Variants in SOX5 observed in about 807,000 individuals in gnomAD.
SOX5 encodes SRY-box transcription factor 5.
Under a neutral mutation model 92.0 loss-of-function variants are expected in SOX5, and 9 were observed. The observed-to-expected ratio is 0.10, with a 90% CI of 0.06 to 0.17. The LOEUF (loss-of-function observed/expected upper bound fraction) is 0.17. SOX5 is among the 10% of genes least tolerant of loss of function. The probability of loss-of-function intolerance (pLI) is 1.00; values close to 1 mark genes in which losing one functional copy is unlikely to be tolerated. For missense variants in SOX5, 642 were observed against 944.5 expected, an observed-to-expected ratio of 0.68 and a Z score of 4.20; for synonymous variants, 344 against 336.3, an observed-to-expected ratio of 1.02 and a Z score of -0.25.
At chr12:23,993,186 A>T (rs1027878383) in intron 4 of SOX5, among the ~76,000 whole-genome samples, 12 of 152,182 alleles carry the variant, frequency 7.9e-5, no homozygotes, top group African/African-American at 2.4e-4. Flanking sequence ...AGAATAATAA[A>T]CATATGAGAT....
intron 6 of SOX5, among the ~76,000 whole-genome samples, chr12:23,677,340 A>G (rs2085871889): frequency 6.6e-6 from 1 of 152,204 alleles, no homozygotes; most frequent in Non-Finnish European, 1.5e-5. Context: ...TTTAAGATAA[A>G]AAACAAACGT....
At chr12:23,885,809 G>A (rs879296198) in intron 2 of SOX5, among the ~76,000 whole-genome samples, 2 of 150,648 alleles carry the variant, frequency 1.3e-5, no homozygotes, top group Non-Finnish European at 2.9e-5. Context: ...ACCAAAGAAT[G>A]TTCCCTCATT....
At chr12:24,442,470 G>A (rs1418337601) in intron 1 of SOX5, among the ~76,000 whole-genome samples, 2 of 152,176 alleles carry the variant, frequency 1.3e-5, no homozygotes, top group East Asian at 1.9e-4. Context: ...AAACCAAAGA[G>A]AAAAATAAAG....
At chr12:23,654,965 G>A (rs1225928861) in intron 7 of SOX5, among the ~76,000 whole-genome samples, 1 of 151,932 alleles carries the variant, frequency 6.6e-6, no homozygotes, top group African/African-American at 2.4e-5. Context: ...TTCAATAAGA[G>A]ATTTTTTAAA....
At chr12:23,799,655 A>G (rs1293829519) in intron 3 of SOX5, among the ~76,000 whole-genome samples, 2 of 152,096 alleles carry the variant, frequency 1.3e-5, no homozygotes, top group East Asian at 1.9e-4. Flanking sequence ...TTATTTCACA[A>G]TAAGTTTGGT....
At chr12:24,499,506 A>G (rs990506272) in intron 1 of SOX5, among the ~76,000 whole-genome samples, 8 of 152,246 alleles carry the variant, frequency 5.3e-5, no homozygotes, top group African/African-American at 1.9e-4. Context: ...GAAGGATGGA[A>G]TAATTCAGTC....
chr12:24,264,341 T>G (rs1942703969), intron 3 of SOX5, among the ~76,000 whole-genome samples: 1 of 152,168 alleles, frequency 6.6e-6, no homozygotes, highest in Non-Finnish European at 1.5e-5. Flanking sequence ...TTTAAAAAAT[T>G]TTTTCTTGCT....
chr12:24,534,238 T>G (rs1337527626), intron 1 of SOX5, among the ~76,000 whole-genome samples: 2 of 151,950 alleles, frequency 1.3e-5, no homozygotes, highest in African/African-American at 4.8e-5. Flanking sequence ...AGTTGAGGGT[T>G]TCATGTTATT....
intron 4 of SOX5, among the ~76,000 whole-genome samples, chr12:24,004,462 C>G (rs1028794559): frequency 3.3e-5 from 5 of 152,060 alleles, no homozygotes; most frequent in Admixed American, 3.3e-4. Flanking sequence ...GAGATATGAA[C>G]AGACATTTCA....
At chr12:23,747,272 CT>C (rs2094018289) in intron 4 of SOX5, among the ~76,000 whole-genome samples, 3 of 152,248 alleles carry the variant, frequency 2.0e-5, no homozygotes, top group Admixed American at 1.3e-4. Flanking sequence ...CCACTATCAT[CT>C]CTTGCCTTTA....
At chr12:23,718,580 G>T (rs1292515892) in intron 6 of SOX5, among the ~76,000 whole-genome samples, 1 of 152,130 alleles carries the variant, frequency 6.6e-6, no homozygotes, top group Non-Finnish European at 1.5e-5. Context: ...CTCTAAAAAT[G>T]CAGATGATTT....
intron 4 of SOX5, among the ~76,000 whole-genome samples, chr12:24,141,605 G>A (rs994789790): frequency 2.6e-5 from 4 of 152,252 alleles, no homozygotes; most frequent in South Asian, 2.1e-4. Flanking sequence ...AGTTCAAGAC[G>A]GACACTCACT....
chr12:24,435,338 C>T (rs1939201427), intron 1 of SOX5, among the ~76,000 whole-genome samples: 1 of 152,224 alleles, frequency 6.6e-6, no homozygotes, highest in Admixed American at 6.5e-5. Flanking sequence ...TCACTCTCTA[C>T]ACTTCTGCAC....
rs1372658957 is a variant in SOX5, at chr12:24,010,874, C to T, written c.-1-114850G>A. Among the ~76,000 whole-genome samples, 8 of 151,388 alleles carry T rather than the reference C, an allele frequency of 5.3e-5. No individual in the cohort carries two copies. In the East Asian group the frequency reaches 5.8e-4, roughly 11 times the overall value. On this transcript the variant is annotated intron_variant, in intron 4 of 4. Transcript: ENST00000446891. ...GAATTGCTTGAACCTGGGAGGCAGA[C>T]GCTGCAGTGAGCCGAGATCATGCCA...
chr12:23,641,105 C>T lies in SOX5; in HGVS notation c.932-208G>A, dbSNP rs544875147. On this transcript the variant is annotated intron_variant, in intron 7 of 14. Transcript: ENST00000451604. Reference sequence around the variant, plus strand: ...GAATAAAAGGCACAAGCAATTAAGGCGGAAACCTCATCCTTTTTTCATGAT... The same window carrying T: ...GAATAAAAGGCACAAGCAATTAAGGTGGAAACCTCATCCTTTTTTCATGAT... Among the ~76,000 whole-genome samples the T allele has an allele frequency of 5.3e-5, 8 of 152,154 alleles. No individual in the cohort carries two copies. In the East Asian group the frequency reaches 1.2e-3, roughly 22 times the overall value.
chr12:23,881,133 C>A (rs535789754), intron 2 of SOX5, among the ~76,000 whole-genome samples: 30 of 152,268 alleles, frequency 2.0e-4, no homozygotes, highest in African/African-American at 6.7e-4. Context: ...GAGGTCACCA[C>A]TGTTTAACAG....
chr12:23,531,426 T>C lies in SOX5; in HGVS notation c.*2793A>G, dbSNP rs1939065059. ...AGTGTGTTAGAATTGATTTCAGCCATGAATGCCTTCAATGGCATCTACCTG... is the reference window on the plus strand; with the variant it reads ...AGTGTGTTAGAATTGATTTCAGCCACGAATGCCTTCAATGGCATCTACCTG... On this transcript the variant is annotated 3_prime_UTR_variant, in exon 15 of 15. Coordinates refer to ENST00000451604, the MANE Select transcript of SOX5 (RefSeq NM_006940.6). 2 of 152,198 alleles carry C rather than the reference T, an allele frequency of 1.3e-5. No homozygotes were observed. The highest frequency in any genetic ancestry group is 1.5e-5 in the Non-Finnish European group (1 of 68,032). 9.4% of individuals were successfully genotyped at this position (152,198 alleles called of 1,614,324 possible). A position where few individuals can be genotyped will look rare whatever the true frequency, so the allele number is the denominator to read the frequency against.
intron 4 of SOX5, among the ~76,000 whole-genome samples, chr12:24,018,067 A>C (rs1403062013): frequency 6.6e-6 from 1 of 152,106 alleles, no homozygotes; most frequent in Non-Finnish European, 1.5e-5. Flanking sequence ...ACACATGCTC[A>C]AATCACTTTC....
chr12:24,494,972 A>AT (rs1216750562), intron 1 of SOX5, among the ~76,000 whole-genome samples: 1 of 152,112 alleles, frequency 6.6e-6, no homozygotes, highest in East Asian at 1.9e-4. Context: ...TAAAAAGGTA[A>AT]TTTTTTTCTC....
Sources: gnomAD v4.1 joint callset for allele counts (sites outside exome capture counted in the v4.1 genomes callset) on GRCh38, gnomAD v4.1.1 for gene constraint, MANE v1.5 for transcripts, NCBI Gene and HGNC (gene_info 2026-07-23, HGNC 2026-07-21) for gene names.